The following ENTPD3 variants were observed in gnomAD, a reference collection of about 807,000 sequenced individuals.
ENTPD3 encodes ectonucleoside triphosphate diphosphohydrolase 3.
In ENTPD3, 60 loss-of-function variants were observed where a neutral mutation model predicts 51.2. That is an observed-to-expected ratio of 1.17 (90% CI 0.95 to 1.45). The LOEUF (loss-of-function observed/expected upper bound fraction) is 1.45. Ranked by LOEUF, ENTPD3 falls within the 40% of genes most tolerant of loss-of-function variation. The pLI is 0.00. For missense variants in ENTPD3, 593 were observed against 641.1 expected (o/e 0.93, Z 0.81); for synonymous variants, 221 against 238.4 (o/e 0.93, Z 0.67).
intron 10 of ENTPD3, among the ~76,000 whole-genome samples, chr3:40,426,553 G>A (rs1955989400): frequency 6.6e-6 from 1 of 152,144 alleles, no homozygotes; most frequent in South Asian, 2.1e-4. Flanking sequence ...CCAGTTAAAA[G>A]AGAGATGTCA....
intron 10 of ENTPD3, 69 bp from the exon 11 acceptor site, chr3:40,427,203 A>AT (rs1335782031): frequency 1.6e-6 from 2 of 1,270,150 alleles, no homozygotes; most frequent in African/African-American, 1.5e-5. Flanking sequence ...TGATAGCAGT[A>AT]TGACTCCGGT....
chr3:40,391,787 A>T (rs1955061193), intron 2 of ENTPD3: 1 of 561,522 alleles, frequency 1.8e-6, no homozygotes, highest in South Asian at 2.4e-5. Flanking sequence ...CCTCCCTGCA[A>T]CACTGTTTTA....
intron 4 of ENTPD3, among the ~76,000 whole-genome samples, chr3:40,409,961 T>C (rs1955591325): frequency 1.3e-5 from 2 of 152,206 alleles, no homozygotes; most frequent in South Asian, 2.1e-4. Flanking sequence ...TATTTGCTTA[T>C]TTTAAACAAA....
intron 3 of ENTPD3, among the ~76,000 whole-genome samples, chr3:40,393,830 G>C (rs935573449): frequency 6.6e-6 from 1 of 151,894 alleles, no homozygotes; most frequent in Non-Finnish European, 1.5e-5. Context: ...GGATCACGAG[G>C]TCAGGAGATT....
At chr3:40,402,685 G>A (rs546854816) in intron 4 of ENTPD3, among the ~76,000 whole-genome samples, 9 of 151,948 alleles carry the variant, frequency 5.9e-5, no homozygotes, top group Admixed American at 2.0e-4. Context: ...GTTTCTTTGC[G>A]ATGTGTCTTG....
chr3:40,399,232 T>C (rs887127588), intron 3 of ENTPD3, among the ~76,000 whole-genome samples: 1 of 152,090 alleles, frequency 6.6e-6, no homozygotes, highest in Admixed American at 6.5e-5. Context: ...TATATACATA[T>C]ATTGTTAGAA....
At chr3:40,412,067 C>G (rs555549904) in intron 5 of ENTPD3, 105 bp downstream of exon 5, 5 of 1,150,538 alleles carry the variant, frequency 4.3e-6, no homozygotes, top group African/African-American at 3.2e-5. Context: ...CCCTCGCCCC[C>G]CAAAAAGAAG....
chr3:40,388,585 GAC>G (rs55657804), intron 2 of ENTPD3, among the ~76,000 whole-genome samples: 7,865 of 126,144 alleles, frequency 0.062, 264 homozygotes, highest in African/African-American at 0.089. Flanking sequence ...CACACACACA[GAC>G]ACACACACAC....
chr3:40,420,895 C>A (rs751509740), intron 7 of ENTPD3, among the ~76,000 whole-genome samples: 7 of 152,010 alleles, frequency 4.6e-5, no homozygotes, highest in Non-Finnish European at 1.0e-4. Flanking sequence ...TGGCTCACAC[C>A]TGTAATCCTA....
intron 7 of ENTPD3, among the ~76,000 whole-genome samples, chr3:40,419,372 A>AGG (rs1644288582): frequency 6.6e-6 from 1 of 152,170 alleles, no homozygotes; most frequent in African/African-American, 2.4e-5. Context: ...ACATTCTAAT[A>AGG]ATAAGTACTT....
rs200229828 is a variant in ENTPD3, at chr3:40,424,771, A to T, written c.1353+808A>T. ...CAGAGAATTTTCTCATTTCAGGAAT[A>T]GCTGATATGAAGCCTGAAGGATGTC... On this transcript the variant is annotated intron_variant, in intron 10 of 10. Transcript: ENST00000301825. The T allele has an allele frequency of 3.6e-4, 251 of 702,132 alleles. 2 individuals are homozygous for T. The highest frequency in any genetic ancestry group is 1.4e-3 in the Middle Eastern group (6 of 4,364). The allele number at this position is 702,132 out of a possible 1,614,324, so 43.5% of individuals were successfully genotyped here. A position where few individuals can be genotyped will look rare whatever the true frequency, so the allele number is the denominator to read the frequency against.
At chr3:40,412,942 C>G (rs114920531) in intron 5 of ENTPD3, among the ~76,000 whole-genome samples, 1 of 152,134 alleles carries the variant, frequency 6.6e-6, no homozygotes, top group South Asian at 2.1e-4. Context: ...ATTTCATTTA[C>G]GTGTAATAGA....
At chr3:40,387,689 G>GA (rs1000775554) in intron 1 of ENTPD3, among the ~76,000 whole-genome samples, 1 of 152,098 alleles carries the variant, frequency 6.6e-6, no homozygotes, top group African/African-American at 2.4e-5. Flanking sequence ...CTCATGTTCT[G>GA]AAAAAAAGCC....
intron 4 of ENTPD3, among the ~76,000 whole-genome samples, chr3:40,404,999 C>CT (rs1955457907): frequency 6.6e-6 from 1 of 152,182 alleles, no homozygotes. Context: ...AAGCCACCTC[C>CT]TGGAGGTGCT....
chr3:40,400,908 G>A lies in ENTPD3; in HGVS notation c.183G>A (p.Leu61=), dbSNP rs1955339765. ...TTTTTATTCAGTATGGTATTGTGCT[G>A]GATGCCGGGTCTTCAAGAACCACAG... ...LPPGLKYGIV[L]DAGSSRTTVY... is the part of the protein sequence containing the mutation. The change falls in exon 4 of 11, where the codon CTG becomes CTA. Residue 61 remains leucine (L), a synonymous_variant. Transcript: ENST00000301825. The A allele has an allele frequency of 6.2e-7, 1 of 1,613,480 alleles. No homozygotes were observed. The highest frequency in any genetic ancestry group is 8.5e-7 in the Non-Finnish European group (1 of 1,179,698).
intron 1 of ENTPD3, among the ~76,000 whole-genome samples, chr3:40,387,778 C>T (rs564608084): frequency 6.6e-6 from 1 of 152,250 alleles, no homozygotes; most frequent in East Asian, 1.9e-4. Flanking sequence ...GAACAATCTG[C>T]AGAAAAAGAC....
At chr3:40,421,067 A>T (rs1056713959) in intron 7 of ENTPD3, among the ~76,000 whole-genome samples, 6 of 149,058 alleles carry the variant, frequency 4.0e-5, no homozygotes, top group Non-Finnish European at 7.4e-5. Flanking sequence ...TTTGTCACCC[A>T]GGCTGGAGTG....
chr3:40,414,536 T>C, intron 5 of ENTPD3, 145 bp from the exon 6 acceptor site: 1 of 834,794 alleles, frequency 1.2e-6, no homozygotes, highest in Non-Finnish European at 1.8e-6. Context: ...CAAAAGGGAT[T>C]GTGGTGTACA....
At chr3:40,396,117 T>C (rs1001941824) in intron 3 of ENTPD3, among the ~76,000 whole-genome samples, 4 of 152,156 alleles carry the variant, frequency 2.6e-5, no homozygotes, top group South Asian at 2.1e-4. Flanking sequence ...CTAGCCACCA[T>C]TGCAAGGGAC....
Sources: gnomAD v4.1 joint callset for allele counts (sites outside exome capture counted in the v4.1 genomes callset) on GRCh38, gnomAD v4.1.1 for gene constraint, MANE v1.5 for transcripts, NCBI Gene and HGNC (gene_info 2026-07-23, HGNC 2026-07-21) for gene names.